The following TECTA variants were observed in gnomAD, a reference collection of about 807,000 sequenced individuals.
TECTA encodes tectorin alpha.
A neutral mutation model predicts 216.8 loss-of-function variants in TECTA; 128 were observed. That is an observed-to-expected ratio of 0.59 (90% CI 0.51 to 0.68). The LOEUF (loss-of-function observed/expected upper bound fraction) is 0.68. TECTA is among the 30% of genes least tolerant of loss of function. The pLI is 0.00. For synonymous variants in TECTA, 1,089 were observed against 1,117.1 expected (o/e 0.97, Z 0.50); for missense variants, 2,551 against 2,786.2 (o/e 0.92, Z 1.90).
chr11:121,158,011 C>A lies in TECTA; in HGVS notation c.4476C>A (p.Gly1492=). Residue 1492 remains glycine (G), a synonymous_variant, in exon 14 of 24, where the codon GGC becomes GGA. Coordinates refer to ENST00000392793, the MANE Select transcript of TECTA (RefSeq NM_005422.4). ...TKTSYCLAAG[G]GVFRTFDGAF... is the part of the protein sequence containing the mutation. Reference sequence around the variant, plus strand: ...CCTCCTACTGCCTGGCGGCCGGCGGCGGCGTCTTCCGCACCTTCGACGGCG... The same window carrying A: ...CCTCCTACTGCCTGGCGGCCGGCGGAGGCGTCTTCCGCACCTTCGACGGCG... The A allele has an allele frequency of 6.2e-7, 1 of 1,612,660 alleles. No individual in the cohort carries two copies. The highest frequency in any genetic ancestry group is 1.1e-5 in the South Asian group (1 of 91,054).
In TECTA at chr11:121,128,325, T is replaced by G. The variant is rs776881165; in HGVS notation, c.2348T>G (p.Ile783Ser). The G allele has an allele frequency of 2.5e-6, 4 of 1,599,578 alleles. No homozygotes were observed. The highest frequency in any genetic ancestry group is 3.4e-6 in the Non-Finnish European group (4 of 1,179,926). ...VADQEVKIGG[I>S]GASEVKLNGQ... is the part of the protein sequence containing the mutation. ...GACCAGGAGGTCAAGATAGGAGGCATCGGGGCTTCGGAAGTCAAGGTAAGG... is the reference window on the plus strand; with the variant it reads ...GACCAGGAGGTCAAGATAGGAGGCAGCGGGGCTTCGGAAGTCAAGGTAAGG... Residue 783 changes from isoleucine to serine, a missense_variant, in exon 9 of 24, where the codon ATC (isoleucine) becomes AGC (serine). Physicochemically the swap from Ile to Ser is moderately radical, Grantham distance 142. Transcript: ENST00000392793.
intron 12 of TECTA, among the ~76,000 whole-genome samples, chr11:121,151,231 A>G (rs7122110): frequency 0.27 from 41,615 of 152,080 alleles, 7,218 homozygotes; most frequent in African/African-American, 0.49. Context: ...AGGAAGACAA[A>G]TTGGCACAGT....
chr11:121,130,177 G>A lies in TECTA; in HGVS notation c.2907G>A (p.Val969=), dbSNP rs144033961. Reference sequence around the variant, plus strand: ...CAAGCGCCTGCAAGAATGCGGACGTGGAGGTGGGGCCCTGGCGGACCTATG... The same window carrying A: ...CAAGCGCCTGCAAGAATGCGGACGTAGAGGTGGGGCCCTGGCGGACCTATG... ...RYASACKNAD[V]EVGPWRTYDF... Residue 969 remains valine, a synonymous_variant, in exon 10 of 24, where the codon GTG becomes GTA. Transcript: ENST00000392793. 6.2e-7 allele frequency: 1 copy of A among 1,603,042 alleles called. No individual in the cohort carries two copies. The highest frequency in any genetic ancestry group is 8.5e-7 in the Non-Finnish European group (1 of 1,179,980).
intron 18 of TECTA, among the ~76,000 whole-genome samples, chr11:121,167,596 T>C (rs1432132312): frequency 6.6e-6 from 1 of 152,234 alleles, no homozygotes; most frequent in Non-Finnish European, 1.5e-5. Flanking sequence ...TCCTTAAAAC[T>C]TTTACCAGAG....
rs1946961345 is a variant in TECTA at position 121,158,050 on chromosome 11, C to G, written c.4515C>G (p.Phe1505Leu). The G allele has an allele frequency of 6.2e-7, 1 of 1,613,420 alleles. No homozygotes were observed. Among genetic ancestry groups the G allele is most frequent in the African/African-American group, 1.3e-5 (1 of 74,942 alleles). Reference sequence around the variant, plus strand: ...CCTTCGACGGCGCCTTCCTGCGCTTCCCAGCCAACTGCGCCTTCGTGCTGT... The same window carrying G: ...CCTTCGACGGCGCCTTCCTGCGCTTGCCAGCCAACTGCGCCTTCGTGCTGT... ...FRTFDGAFLRFPANCAFVLST... is the reference protein window; with the variant it reads ...FRTFDGAFLRLPANCAFVLST... Residue 1505 changes from phenylalanine (F) to leucine (L), a missense_variant, in exon 14 of 24, where the codon TTC (phenylalanine) becomes TTG (leucine). By Grantham distance (22) the Phe-to-Leu change is conservative. This residue lies in a region of TECTA where 2,375 missense variants were observed against 2,563.9 expected (regional missense o/e 0.93). Transcript: ENST00000392793.
At chr11:121,189,675 G>A in intron 22 of TECTA, 89 bp from the exon 23 acceptor site, 2 of 1,335,210 alleles carry the variant, frequency 1.5e-6, no homozygotes, top group East Asian at 2.3e-5. Context: ...CGCCCAGCCT[G>A]TCCTCCTCTC....
At chr11:121,146,315 A>G in intron 12 of TECTA, 199 bp downstream of exon 12, 1 of 638,762 alleles carries the variant, frequency 1.6e-6, no homozygotes, top group South Asian at 1.9e-5. Context: ...GGTAAAATGG[A>G]GTTAATATCA....
intron 16 of TECTA, 145 bp downstream of exon 16, chr11:121,162,515 A>G (rs1947011530): frequency 8.7e-6 from 10 of 1,155,646 alleles, no homozygotes; most frequent in Non-Finnish European, 1.2e-5. Flanking sequence ...GAGAGCTGTG[A>G]GCTGCAGCCG....
chr11:121,172,033 T>C (rs946457211), intron 20 of TECTA, among the ~76,000 whole-genome samples: 1 of 152,206 alleles, frequency 6.6e-6, no homozygotes, highest in Non-Finnish European at 1.5e-5. Flanking sequence ...ATCTGTGGGT[T>C]TGTCATATAT....
rs1947333451 is a variant in TECTA, at chr11:121,190,750, A to G, written c.6412A>G (p.Ile2138Val). 1 of 1,613,724 alleles carries G rather than the reference A, an allele frequency of 6.2e-7. No homozygotes were observed. Among genetic ancestry groups the G allele is most frequent in the South Asian group, 1.1e-5 (1 of 91,084 alleles). ...MELQVWTLLL[I>V]MIQISLWHFV... ...ACTTCAAGTCTGGACGCTTCTTCTC[A>G]TCATGATCCAGATTTCATTATGGCA... The change falls in exon 24 of 24, where the codon ATC becomes GTC. Residue 2138 changes from isoleucine (I) to valine (V), a missense_variant. Ile to Val is a conservative substitution (Grantham distance 29). This residue lies in a region of TECTA where 118 missense variants were observed against 116.4 expected (regional missense o/e 1.01). Coordinates refer to ENST00000392793, the MANE Select transcript of TECTA (RefSeq NM_005422.4).
chr11:121,118,835 T>G lies in TECTA; in HGVS notation c.1203+117T>G, dbSNP rs553452405. ...TTGTCTCTGTACAGTGCCAAAGAGA[T>G]GCACAGCTCTCCCCGCCTTGCAAAT... On this transcript the variant is annotated intron_variant, in intron 7 of 23. Transcript: ENST00000392793. 7.4e-4 allele frequency: 990 copies of G among 1,336,788 alleles called. 14 individuals carry two copies. In the South Asian group the frequency reaches 0.011, roughly 15 times the overall value. The allele number at this position is 1,336,788 out of a possible 1,614,324, so 82.8% of individuals were successfully genotyped here.
At position 121,116,890 on chromosome 11, in the gene TECTA, T is replaced by C. The variant is rs75600430; in HGVS notation, c.791-1416T>C. On this transcript the variant is annotated intron_variant, in intron 6 of 23. Coordinates refer to ENST00000392793, the MANE Select transcript of TECTA (RefSeq NM_005422.4). ...CCAAGGAGTGCTGAGGATTAGGACC[T>C]GTTTTCAGGGCTGATGCACATGACT... Among the ~76,000 whole-genome samples, 591 of 152,358 alleles carry C rather than the reference T, an allele frequency of 3.9e-3. 6 individuals carry two copies. Among genetic ancestry groups the C allele is most frequent in the African/African-American group, 0.013 (545 of 41,590 alleles).
In TECTA at chr11:121,128,291, C is replaced by G; in HGVS notation, c.2314C>G (p.Leu772Val). The change falls in exon 9 of 24, where the codon CTG (leucine) becomes GTG (valine). Residue 772 changes from leucine to valine, a missense_variant. Coordinates refer to ENST00000392793, the MANE Select transcript of TECTA (RefSeq NM_005422.4). ...GPAWLRGLRILVADQEVKIGG... is the reference protein window; with the variant it reads ...GPAWLRGLRIVVADQEVKIGG... Reference sequence around the variant, plus strand: ...TGCTTGGCTGCGGGGACTTCGGATCCTGGTGGCCGACCAGGAGGTCAAGAT... The same window carrying G: ...TGCTTGGCTGCGGGGACTTCGGATCGTGGTGGCCGACCAGGAGGTCAAGAT... 6.3e-7 allele frequency: 1 copy of G among 1,599,758 alleles called. No individual in the cohort carries two copies.
chr11:121,168,788 G>C lies in TECTA; in HGVS notation c.5862G>C (p.Thr1954=), dbSNP rs758886759. Residue 1954 remains threonine, a synonymous_variant, in exon 20 of 24, where the codon ACG becomes ACC. Coordinates refer to ENST00000392793, the MANE Select transcript of TECTA (RefSeq NM_005422.4). ...HPYRQGEVVL[T]TRDVLYVGVF... ...ACCGCCAGGGTGAAGTAGTGTTGAC[G>C]ACTCGAGATGTGCTGTATGTAGGGG... The C allele has an allele frequency of 1.2e-6, 2 of 1,613,954 alleles. No individual in the cohort carries two copies. Among genetic ancestry groups the C allele is most frequent in the Non-Finnish European group, 1.7e-6 (2 of 1,180,028 alleles).
intron 17 of TECTA, 117 bp from the exon 18 acceptor site, chr11:121,166,461 C>A: frequency 1.0e-6 from 1 of 994,650 alleles, no homozygotes; most frequent in Non-Finnish European, 1.6e-6. Flanking sequence ...ATGCTGCAGC[C>A]TTGGAGTGGA....
chr11:121,183,565 G>C (rs552409136), intron 20 of TECTA, among the ~76,000 whole-genome samples: 1 of 151,972 alleles, frequency 6.6e-6, no homozygotes, highest in Non-Finnish European at 1.5e-5. Context: ...TTCATGCCTC[G>C]GAGATCCTCT....
At chr11:121,118,214 A>T in intron 6 of TECTA, 92 bp from the exon 7 acceptor site, 1 of 1,517,696 alleles carries the variant, frequency 6.6e-7, no homozygotes, top group Non-Finnish European at 9.0e-7. Context: ...ACGTGGATTA[A>T]ATGGTATAAT....
chr11:121,131,306 A>C (rs1946673027), intron 10 of TECTA, among the ~76,000 whole-genome samples: 1 of 152,136 alleles, frequency 6.6e-6, no homozygotes, highest in African/African-American at 2.4e-5. Context: ...AATTTGAAAT[A>C]ATTTTAGACT....
In TECTA at chr11:121,118,422, G is replaced by C. The variant is rs774583320; in HGVS notation, c.907G>C (p.Glu303Gln). ...CCAGGAGGCTTCCTGTAGCCCCTAC[G>C]AGGTGTGCGAACCCAAAGGCAAATT... ...YCQEASCSPYEVCEPKGKFFY... is the reference protein window; with the variant it reads ...YCQEASCSPYQVCEPKGKFFY... The change falls in exon 7 of 24, where the codon GAG becomes CAG. Residue 303 changes from glutamate to glutamine, a missense_variant. Coordinates refer to ENST00000392793, the MANE Select transcript of TECTA (RefSeq NM_005422.4). 6.2e-7 allele frequency: 1 copy of C among 1,614,170 alleles called. No individual in the cohort carries two copies. The highest frequency in any genetic ancestry group is 1.1e-5 in the South Asian group (1 of 91,078).
Sources: gnomAD v4.1 joint callset for allele counts (sites outside exome capture counted in the v4.1 genomes callset) on GRCh38, gnomAD v4.1.1 for gene constraint, gnomAD v4.1.1 regional missense constraint, MANE v1.5 for transcripts, NCBI Gene and HGNC (gene_info 2026-07-23, HGNC 2026-07-21) for gene names.